Variants in ERAP1 observed in about 807,000 individuals in gnomAD.
ERAP1 encodes the protein adipocyte-derived leucine aminopeptidase.
A neutral mutation model predicts 103.7 loss-of-function variants in ERAP1; 86 were observed. The ratio of observed to expected loss-of-function variants is 0.83; its 90% CI spans 0.70 to 0.99. The LOEUF (loss-of-function observed/expected upper bound fraction) is 0.99, where lower values mean the gene tolerates loss of function less well. ERAP1 is among the 50% of genes least tolerant of loss of function. ERAP1 has a pLI of 0.00. For missense variants in ERAP1, 1,009 were observed against 1,128.4 expected (o/e 0.89, Z 1.52); for synonymous variants, 398 against 402.4 (o/e 0.99, Z 0.13).
chr5:96,793,928 C>A lies in ERAP1; in HGVS notation c.949G>T (p.Gly317Cys). ...DLAAIPDFQS[G>C]AMENWGLTTY... The stretch of plus-strand genomic sequence containing the variant: ...GTCAGTCCCCAGTTTTCCATAGCAC[C>A]AGACTGAAAGTCGGGAATAGCAGCA... The change falls in exon 6 of 19, where the codon GGT becomes TGT. Residue 317 changes from glycine to cysteine, a missense_variant. Transcript: ENST00000443439. 1 of 1,614,136 alleles carries A rather than the reference C, an allele frequency of 6.2e-7. No individual in the cohort carries two copies. Among genetic ancestry groups the A allele is most frequent in the Non-Finnish European group, 8.5e-7 (1 of 1,179,996 alleles).
chr5:96,802,403 G>T (rs560156013), intron 2 of ERAP1, among the ~76,000 whole-genome samples: 45 of 152,052 alleles, frequency 3.0e-4, no homozygotes, highest in African/African-American at 9.9e-4. Context: ...TAATATATAT[G>T]CATATCCAGA....
the ERAP1 span, among the ~76,000 whole-genome samples, chr5:96,874,170 G>A: frequency 9.7e-6 from 1 of 103,132 alleles, no homozygotes; most frequent in East Asian, 2.8e-4. Context: ...AAGAAAGAAA[G>A]AAAGAAAGAA....
chr5:96,865,342 A>G, the ERAP1 span, among the ~76,000 whole-genome samples: 1 of 152,194 alleles, frequency 6.6e-6, no homozygotes, highest in Non-Finnish European at 1.5e-5. Context: ...GTCTTCACTG[A>G]AATAATATAA....
intron 2 of ERAP1, among the ~76,000 whole-genome samples, chr5:96,802,105 T>C (rs1008866911): frequency 1.3e-5 from 2 of 152,074 alleles, no homozygotes; most frequent in Non-Finnish European, 2.9e-5. Flanking sequence ...TGACAAAGTT[T>C]ATCAAAAATT....
intron 3 of ERAP1, 51 bp downstream of exon 3, chr5:96,800,811 C>T (rs536408595): frequency 1.2e-6 from 2 of 1,606,338 alleles, no homozygotes; most frequent in Middle Eastern, 1.7e-4. Flanking sequence ...GTGCAAGTCA[C>T]AGAGAATCAG....
chr5:96,901,194 G>GTTTTAT, the ERAP1 span, among the ~76,000 whole-genome samples: 2 of 146,256 alleles, frequency 1.4e-5, no homozygotes, highest in Non-Finnish European at 3.0e-5. Context: ...GTTTGATTTT[G>GTTTTAT]TTTGTTTGCT....
upstream of ERAP1, among the ~76,000 whole-genome samples, chr5:96,808,574 G>A (rs1424965283): frequency 6.6e-6 from 1 of 152,146 alleles, no homozygotes; most frequent in Non-Finnish European, 1.5e-5. Context: ...TGTAGAGGAG[G>A]AAGGTGGGTT....
the ERAP1 span, among the ~76,000 whole-genome samples, chr5:96,873,846 A>G: frequency 6.6e-5 from 10 of 152,196 alleles, no homozygotes; most frequent in Admixed American, 2.0e-4. Flanking sequence ...TGAGGAGACA[A>G]GAAAACAAAC....
the ERAP1 span, among the ~76,000 whole-genome samples, chr5:96,860,332 G>A: frequency 5.3e-5 from 8 of 152,186 alleles, no homozygotes; most frequent in Non-Finnish European, 1.0e-4. Context: ...GGGATTACAA[G>A]TGTGAGCCAC....
the ERAP1 span, chr5:96,908,900 G>T: frequency 2.0e-6 from 3 of 1,493,020 alleles, no homozygotes; most frequent in Middle Eastern, 1.8e-4. Flanking sequence ...TTGTTTTAAT[G>T]TTAAAAATAT....
At chr5:96,822,933 T>G in the ERAP1 span, 1 of 402,216 alleles carries the variant, frequency 2.5e-6, no homozygotes, top group Non-Finnish European at 5.0e-6. Context: ...GGATACAGTC[T>G]CACCTGAGGC....
At chr5:96,926,232 G>A in the ERAP1 span, among the ~76,000 whole-genome samples, 82 of 152,036 alleles carry the variant, frequency 5.4e-4, no homozygotes, top group South Asian at 0.017. Context: ...TTTTAATCAA[G>A]CATTGTTATT....
chr5:96,917,284 T>TA, the ERAP1 span, among the ~76,000 whole-genome samples: 2 of 152,070 alleles, frequency 1.3e-5, no homozygotes, highest in African/African-American at 2.4e-5. Context: ...TTTTTGTTGT[T>TA]GTTGTTGTTA....
At chr5:96,793,257 C>T in intron 7 of ERAP1, 143 bp downstream of exon 7, 2 of 704,832 alleles carry the variant, frequency 2.8e-6, no homozygotes, top group South Asian at 1.7e-5. Flanking sequence ...ATTTTTGCAA[C>T]ACGATTCATA....
the ERAP1 span, among the ~76,000 whole-genome samples, chr5:96,866,523 T>A: frequency 6.6e-6 from 1 of 152,230 alleles, no homozygotes; most frequent in Non-Finnish European, 1.5e-5. Context: ...CCCAACCCGG[T>A]TGATACGCCA....
the ERAP1 span, chr5:96,889,182 C>G: frequency 6.2e-7 from 1 of 1,613,966 alleles, no homozygotes; most frequent in Non-Finnish European, 8.5e-7. Context: ...CCACATTTCC[C>G]AGGTGTCCAT....
the ERAP1 span, among the ~76,000 whole-genome samples, chr5:96,912,176 G>A: frequency 7.6e-6 from 1 of 131,098 alleles, no homozygotes; most frequent in African/African-American, 2.9e-5. Context: ...GGGCGACAGT[G>A]AGACTCCACC....
intron 10 of ERAP1, among the ~76,000 whole-genome samples, chr5:96,789,934 A>T (rs2150949706): frequency 6.6e-6 from 1 of 152,380 alleles, no homozygotes; most frequent in East Asian, 1.9e-4. Flanking sequence ...AAGAATGCTC[A>T]GTGCCATTGT....
the ERAP1 span, among the ~76,000 whole-genome samples, chr5:96,828,474 TAAAAC>T: frequency 5.3e-5 from 8 of 152,164 alleles, no homozygotes; most frequent in South Asian, 2.1e-4. Flanking sequence ...AAGAGAAAAA[TAAAAC>T]AAATAAGTGA....
Sources: gnomAD v4.1 joint callset for allele counts (sites outside exome capture counted in the v4.1 genomes callset) on GRCh38, gnomAD v4.1.1 for gene constraint, MANE v1.5 for transcripts, NCBI Gene and HGNC (gene_info 2026-07-23, HGNC 2026-07-21) for gene names.